CCDC73: variants seen among roughly 807,000 people sequenced by gnomAD.
The protein encoded by CCDC73 is coiled-coil domain-containing protein 73.
Under a neutral mutation model 116.5 loss-of-function variants are expected in CCDC73, and 95 were observed. That is an observed-to-expected ratio of 0.82 (90% CI 0.69 to 0.97). The LOEUF (loss-of-function observed/expected upper bound fraction) is 0.97, where lower values mean the gene tolerates loss of function less well. Among genes scored for constraint, CCDC73 ranks in the 50% least tolerant of loss-of-function variants. CCDC73 has a pLI of 0.00. For missense variants in CCDC73, 1,066 were observed against 1,206.8 expected, an observed-to-expected ratio of 0.88 and a Z score of 1.73; for synonymous variants, 398 against 401.3, an observed-to-expected ratio of 0.99 and a Z score of 0.10.
At chr11:32,659,363 T>C (rs572266350) in intron 9 of CCDC73, among the ~76,000 whole-genome samples, 2 of 152,212 alleles carry the variant, frequency 1.3e-5, no homozygotes, top group South Asian at 4.2e-4. Context: ...AAATGTGAGA[T>C]TGAAAAACTA....
In CCDC73 at chr11:32,791,515, A is replaced by G. The variant is rs535286655; in HGVS notation, c.-16+3098T>C. On this transcript the variant is annotated intron_variant, in intron 1 of 17. Transcript: ENST00000335185. The stretch of plus-strand genomic sequence containing the variant: ...CCTTGATCTTGAAACACTTTTTTTC[A>G]TAATTCATAAGACAAGCTAATATTC... Among the ~76,000 whole-genome samples, 5 of 152,288 alleles carry G rather than the reference A, an allele frequency of 3.3e-5. No homozygotes were observed. The East Asian group carries it at 9.6e-4, about 29-fold the overall frequency.
chr11:32,765,574 A>C (rs914600656), intron 1 of CCDC73, among the ~76,000 whole-genome samples: 1 of 152,240 alleles, frequency 6.6e-6, no homozygotes, highest in Non-Finnish European at 1.5e-5. Flanking sequence ...ATGAGAACAA[A>C]GACACAACAT....
chr11:32,699,390 A>G, intron 5 of CCDC73, 65 bp from the exon 6 acceptor site: 2 of 1,395,048 alleles, frequency 1.4e-6, no homozygotes, highest in Non-Finnish European at 1.9e-6. Flanking sequence ...GGTAAAATAT[A>G]AGAGCTCAAG....
intron 14 of CCDC73, among the ~76,000 whole-genome samples, chr11:32,616,507 T>C (rs1405792027): frequency 6.6e-6 from 1 of 152,130 alleles, no homozygotes. Flanking sequence ...CTTGCTATGT[T>C]GCCCAGGCTG....
chr11:32,661,009 G>A (rs978840580), intron 9 of CCDC73, among the ~76,000 whole-genome samples: 4 of 152,092 alleles, frequency 2.6e-5, no homozygotes, highest in East Asian at 3.9e-4. Flanking sequence ...CCACATAAGC[G>A]GGAACAGTCT....
intron 2 of CCDC73, among the ~76,000 whole-genome samples, chr11:32,724,966 T>C (rs1443789950): frequency 6.6e-6 from 1 of 152,210 alleles, no homozygotes; most frequent in Non-Finnish European, 1.5e-5. Flanking sequence ...TGTTAATTTG[T>C]AAATCATTAT....
chr11:32,830,164 G>C, the CCDC73 span: 3 of 1,026,072 alleles, frequency 2.9e-6, no homozygotes, highest in Non-Finnish European at 3.5e-6. Flanking sequence ...ACATGTGCGG[G>C]GGGACACAGG....
intron 2 of CCDC73, chr11:32,758,496 A>G (rs1235422400): frequency 2.8e-5 from 13 of 466,410 alleles, no homozygotes; most frequent in East Asian, 1.7e-4. Flanking sequence ...AGCAGAGCCT[A>G]TGGTGGTTCC....
chr11:32,766,813 A>G (rs9736849), intron 1 of CCDC73, among the ~76,000 whole-genome samples: 30,021 of 152,138 alleles, frequency 0.2, 4,066 homozygotes, highest in East Asian at 0.67. Context: ...GCTCAATGAA[A>G]TAAAAGAGGA....
At chr11:32,773,270 T>G (rs1710039479) in intron 1 of CCDC73, among the ~76,000 whole-genome samples, 1 of 152,116 alleles carries the variant, frequency 6.6e-6, no homozygotes, top group Non-Finnish European at 1.5e-5. Context: ...GTTGGGGGGT[T>G]GAAGCAGGAT....
chr11:32,642,029 T>A lies in CCDC73; in HGVS notation c.993A>T (p.Glu331Asp). 1 of 1,569,482 alleles carries A rather than the reference T, an allele frequency of 6.4e-7. No homozygotes were observed. Among genetic ancestry groups the A allele is most frequent in the East Asian group, 2.3e-5 (1 of 42,752 alleles). Reference protein sequence around the residue: ...LQREKVKENEEKFLNLQNEHE... With the variant: ...LQREKVKENEDKFLNLQNEHE... The stretch of plus-strand genomic sequence containing the variant: ...GCTCATTTTGAAGATTAAGAAACTT[T>A]TCTTCATTTTCTTTTACCTTCTCCC... Residue 331 changes from glutamate (E) to aspartate (D), a missense_variant, in exon 13 of 18, where the codon GAA becomes GAT. Transcript: ENST00000335185.
rs542139684 is a variant in CCDC73 at position 32,790,736 on chromosome 11, A to G, written c.-16+3877T>C. On this transcript the variant is annotated intron_variant, in intron 1 of 17. Transcript: ENST00000335185. ...TAAAAATAGTTAAAACATGAACTGT[A>G]TATGTGTGAAGAGATTGAGAGAATT... 7.4e-4 allele frequency among the ~76,000 whole-genome samples: 113 copies of G among 152,216 alleles called. 1 individual carries two copies. Among genetic ancestry groups the G allele is most frequent in the Admixed American group, 4.6e-3 (71 of 15,296 alleles).
At chr11:32,660,191 A>G (rs11031923) in intron 9 of CCDC73, among the ~76,000 whole-genome samples, 1,470 of 143,336 alleles carry the variant, frequency 0.01, 25 homozygotes, top group African/African-American at 0.036. Context: ...GCTGCTTGAC[A>G]TTAATTCACC....
At chr11:32,785,032 G>C (rs767415177) in intron 1 of CCDC73, among the ~76,000 whole-genome samples, 17 of 152,092 alleles carry the variant, frequency 1.1e-4, no homozygotes, top group African/African-American at 3.6e-4. Context: ...CAGGCGTGGT[G>C]GTGGGCGCCT....
At chr11:32,780,930 T>C (rs892888930) in intron 1 of CCDC73, among the ~76,000 whole-genome samples, 2 of 152,272 alleles carry the variant, frequency 1.3e-5, no homozygotes, top group Admixed American at 6.5e-5. Context: ...TCTCAAAAGT[T>C]TGTGCCCAGC....
intron 1 of CCDC73, among the ~76,000 whole-genome samples, chr11:32,775,201 C>G (rs902100393): frequency 7.2e-5 from 11 of 152,110 alleles, no homozygotes; most frequent in Admixed American, 2.6e-4. Context: ...TCCCCCAGAG[C>G]CTAGCAAAAT....
At chr11:32,722,819 A>G (rs1850001549) in intron 2 of CCDC73, among the ~76,000 whole-genome samples, 1 of 152,106 alleles carries the variant, frequency 6.6e-6, no homozygotes, top group African/African-American at 2.4e-5. Flanking sequence ...CTTTTTATTT[A>G]TTGATTAATT....
chr11:32,711,206 T>C (rs1235386406), intron 3 of CCDC73, among the ~76,000 whole-genome samples: 1 of 152,100 alleles, frequency 6.6e-6, no homozygotes, highest in East Asian at 1.9e-4. Flanking sequence ...TGTAAACTAG[T>C]ACAACCACAA....
chr11:32,816,269 T>C, the CCDC73 span, among the ~76,000 whole-genome samples: 1 of 152,194 alleles, frequency 6.6e-6, no homozygotes, highest in Admixed American at 6.5e-5. Flanking sequence ...ATTAGTCATA[T>C]CTGAAACCAT....
Sources: gnomAD v4.1 joint callset for allele counts (sites outside exome capture counted in the v4.1 genomes callset) on GRCh38, gnomAD v4.1.1 for gene constraint, MANE v1.5 for transcripts, NCBI Gene and HGNC (gene_info 2026-07-23, HGNC 2026-07-21) for gene names.